The following C1QTNF7 variants were observed in gnomAD, a reference collection of about 807,000 sequenced individuals.
C1QTNF7 encodes the protein C1q and TNF related 7, also known as complement C1q tumor necrosis factor-related protein 7.
C1QTNF7 carries 15 observed loss-of-function variants against 19.6 expected under a neutral mutation model. The ratio of observed to expected loss-of-function variants is 0.76; its 90% confidence interval spans 0.51 to 1.18. The LOEUF is 1.18. C1QTNF7 is among the 50% of genes most tolerant of loss of function. The pLI is 0.00. For synonymous variants in C1QTNF7, 142 were observed against 137.5 expected (o/e 1.03, Z -0.23); for missense variants, 324 against 359.7 (o/e 0.90, Z 0.80).
chr4:15,414,763 A>T (rs1445589980), intron 1 of C1QTNF7, among the ~76,000 whole-genome samples: 1 of 151,946 alleles, frequency 6.6e-6, no homozygotes, highest in Non-Finnish European at 1.5e-5. Flanking sequence ...AGCATCAGTC[A>T]CTCTGATTCT....
chr4:15,389,513 A>G (rs1011472027), intron 1 of C1QTNF7, among the ~76,000 whole-genome samples: 1 of 152,166 alleles, frequency 6.6e-6, no homozygotes, highest in African/African-American at 2.4e-5. Flanking sequence ...TCCGTCTCCC[A>G]GGTTCAAGCG....
At chr4:15,415,974 T>A (rs2108921049) in intron 1 of C1QTNF7, among the ~76,000 whole-genome samples, 1 of 152,336 alleles carries the variant, frequency 6.6e-6, no homozygotes, top group East Asian at 1.9e-4. Flanking sequence ...TCAAAAAATG[T>A]TACACTGTGA....
chr4:15,416,570 C>T (rs1719615430), intron 1 of C1QTNF7, among the ~76,000 whole-genome samples: 1 of 152,182 alleles, frequency 6.6e-6, no homozygotes, highest in Non-Finnish European at 1.5e-5. Context: ...GCTCCCCTTA[C>T]CTGTAACCTG....
At chr4:15,372,086 A>G (rs1717755444) in intron 1 of C1QTNF7, among the ~76,000 whole-genome samples, 1 of 152,126 alleles carries the variant, frequency 6.6e-6, no homozygotes, top group African/African-American at 2.4e-5. Flanking sequence ...CTACCAAGAT[A>G]TCAATGTTGT....
intron 1 of C1QTNF7, among the ~76,000 whole-genome samples, chr4:15,365,166 C>T (rs1366256762): frequency 6.6e-6 from 1 of 151,858 alleles, no homozygotes; most frequent in African/African-American, 2.4e-5. Context: ...TATGTTCATA[C>T]ATAAAGGTAT....
At chr4:15,359,131 T>A (rs566252366) in intron 1 of C1QTNF7, among the ~76,000 whole-genome samples, 1 of 152,082 alleles carries the variant, frequency 6.6e-6, no homozygotes, top group Non-Finnish European at 1.5e-5. Flanking sequence ...GGCATAGGCA[T>A]GAGGAAGGTC....
intron 1 of C1QTNF7, among the ~76,000 whole-genome samples, chr4:15,349,355 A>G (rs1435565840): frequency 6.6e-6 from 1 of 151,916 alleles, no homozygotes; most frequent in Non-Finnish European, 1.5e-5. Flanking sequence ...TTTACGCTGT[A>G]TTTTCTGCAG....
At chr4:15,418,479 C>T (rs1041170647) in intron 1 of C1QTNF7, among the ~76,000 whole-genome samples, 1 of 152,112 alleles carries the variant, frequency 6.6e-6, no homozygotes, top group African/African-American at 2.4e-5. Context: ...GCCCCAGGGC[C>T]CTCTCACATA....
chr4:15,423,828 C>G (rs13132762), upstream of C1QTNF7, among the ~76,000 whole-genome samples: 41,372 of 152,138 alleles, frequency 0.27, 6,459 homozygotes, highest in Middle Eastern at 0.37. Context: ...CGTTTCCCCC[C>G]CTTTTAGGTC....
In C1QTNF7 at chr4:15,422,210, T is replaced by TTA. The variant is rs1491409222; in HGVS notation, c.14-13526_14-13525insTA. On this transcript the variant is annotated intron_variant, in intron 1 of 2. Coordinates refer to the C1QTNF7 transcript ENST00000295297. Reference sequence around the variant, plus strand: ...ATAATCTAATAAACCTGTTTTTTTTTAAAAAAAAAAAAAAGGATATTGCAC... The same window carrying TTA: ...ATAATCTAATAAACCTGTTTTTTTTTTAAAAAAAAAAAAAAAGGATATTGCAC... Among the ~76,000 whole-genome samples the TTA allele has an allele frequency of 6.1e-4, 87 of 142,866 alleles. 1 individual carries two copies. Among genetic ancestry groups the TTA allele is most frequent in the South Asian group, 1.1e-3 (5 of 4,568 alleles). The allele number at this position is 142,866 out of a possible 152,430, so 93.7% of individuals were successfully genotyped here.
intron 1 of C1QTNF7, among the ~76,000 whole-genome samples, chr4:15,359,496 G>A (rs1717262435): frequency 6.6e-6 from 1 of 152,180 alleles, no homozygotes; most frequent in South Asian, 2.1e-4. Context: ...ACTCTCTAGG[G>A]CTTTGTAGGA....
Position 15,442,534 on chromosome 4 carries a change from C to T in C1QTNF7, c.605C>T (p.Ala202Val). Residue 202 changes from alanine to valine, a missense_variant, in exon 3 of 3, where the codon GCT (alanine) becomes GTT (valine). Ala to Val is a moderately conservative substitution (Grantham distance 64). Transcript: ENST00000444304. ...IYYFSYDITL[A>V]NKHLAIGLVH... ...TACTTTTCTTATGATATCACATTGG[C>T]TAATAAGCATCTGGCAATCGGACTG... 1 of 1,614,202 alleles carries T rather than the reference C, an allele frequency of 6.2e-7. No individual in the cohort carries two copies. Among genetic ancestry groups the T allele is most frequent in the Non-Finnish European group, 8.5e-7 (1 of 1,180,036 alleles).
intron 1 of C1QTNF7, among the ~76,000 whole-genome samples, chr4:15,406,554 G>A (rs1160434755): frequency 1.3e-5 from 2 of 152,164 alleles, no homozygotes; most frequent in Admixed American, 1.3e-4. Flanking sequence ...TGAGTATGCT[G>A]CCAGCGTCAA....
At chr4:15,363,116 CATT>C in intron 1 of C1QTNF7, among the ~76,000 whole-genome samples, 1 of 152,160 alleles carries the variant, frequency 6.6e-6, no homozygotes, top group Admixed American at 6.5e-5. Flanking sequence ...AAATATACCT[CATT>C]AATTATTTGG....
At chr4:15,365,803 T>G (rs931171115) in intron 1 of C1QTNF7, among the ~76,000 whole-genome samples, 10 of 152,124 alleles carry the variant, frequency 6.6e-5, no homozygotes, top group Admixed American at 5.9e-4. Flanking sequence ...GACTCCTCCC[T>G]CCCAACGGCT....
chr4:15,395,713 G>T (rs1017915933), intron 1 of C1QTNF7, among the ~76,000 whole-genome samples: 2 of 152,160 alleles, frequency 1.3e-5, no homozygotes, highest in East Asian at 1.9e-4. Flanking sequence ...GCAGAAAATT[G>T]TAAGACCTAC....
At chr4:15,348,537 T>A (rs1026839500) in intron 1 of C1QTNF7, among the ~76,000 whole-genome samples, 6 of 152,134 alleles carry the variant, frequency 3.9e-5, no homozygotes, top group African/African-American at 1.4e-4. Flanking sequence ...CTAAACCATC[T>A]GCAGGACCAA....
At chr4:15,418,330 A>C (rs1355254889) in intron 1 of C1QTNF7, among the ~76,000 whole-genome samples, 1 of 152,162 alleles carries the variant, frequency 6.6e-6, no homozygotes, top group Non-Finnish European at 1.5e-5. Flanking sequence ...ATTGCTGTTA[A>C]GATAAAAGCC....
At chr4:15,436,166 T>C (rs1000237437) in intron 2 of C1QTNF7, among the ~76,000 whole-genome samples, 185 bp downstream of exon 2, 16 of 152,254 alleles carry the variant, frequency 1.1e-4, no homozygotes, top group Admixed American at 2.0e-4. Flanking sequence ...TGCATCCTTA[T>C]TTCACTGCAA....
Sources: allele counts gnomAD v4.1 joint callset (sites outside exome capture counted in the v4.1 genomes callset), GRCh38; gene constraint gnomAD v4.1.1; transcripts MANE v1.5; gene names NCBI Gene and HGNC (gene_info 2026-07-23, HGNC 2026-07-21).